CNTN4: variants seen among roughly 807,000 people sequenced by gnomAD.
The protein encoded by CNTN4 is contactin-4.
CNTN4 carries 77 observed loss-of-function variants against 122.5 expected under a neutral mutation model. The observed-to-expected ratio is 0.63, with a 90% CI of 0.52 to 0.76. The LOEUF (loss-of-function observed/expected upper bound fraction) is 0.76, where lower values mean the gene tolerates loss of function less well. Among genes scored for constraint, CNTN4 ranks in the 30% least tolerant of loss-of-function variants. The pLI is 0.00. For synonymous variants in CNTN4, 512 were observed against 447.0 expected (o/e 1.15, Z -1.83); for missense variants, 1,256 against 1,259.1 (o/e 1.00, Z 0.04).
At chr3:2,389,201 C>A (rs2046356253) in intron 3 of CNTN4, among the ~76,000 whole-genome samples, 1 of 151,988 alleles carries the variant, frequency 6.6e-6, no homozygotes, top group Non-Finnish European at 1.5e-5. Context: ...TTAACTCTTG[C>A]CACTCATTCC....
intron 2 of CNTN4, among the ~76,000 whole-genome samples, chr3:2,296,228 G>A (rs1286599348): frequency 6.6e-6 from 1 of 152,154 alleles, no homozygotes; most frequent in Non-Finnish European, 1.5e-5. Flanking sequence ...GTCATTGGTA[G>A]CTTGATGGGG....
At chr3:2,919,071 TG>T (rs543392214) in intron 12 of CNTN4, among the ~76,000 whole-genome samples, 120 of 152,184 alleles carry the variant, frequency 7.9e-4, no homozygotes, top group African/African-American at 2.3e-3. Context: ...TGGCTGGTCA[TG>T]GTGGCTTACG....
chr3:2,719,983 T>G (rs13077493), intron 4 of CNTN4, among the ~76,000 whole-genome samples: 100,500 of 151,930 alleles, frequency 0.66, 34,874 homozygotes, highest in Non-Finnish European at 0.76. Context: ...ATATCCACAG[T>G]GTGGCAGAAA....
chr3:2,390,343 T>C (rs529473936), intron 3 of CNTN4, among the ~76,000 whole-genome samples: 1 of 152,110 alleles, frequency 6.6e-6, no homozygotes, highest in South Asian at 2.1e-4. Flanking sequence ...TATACTATTA[T>C]TGCAACTTTC....
At chr3:2,751,073 G>A (rs904107968) in intron 6 of CNTN4, among the ~76,000 whole-genome samples, 3 of 152,044 alleles carry the variant, frequency 2.0e-5, no homozygotes, top group East Asian at 3.9e-4. Flanking sequence ...AGGCCGAGGC[G>A]AGTGGATCAC....
At chr3:2,785,138 C>CACACACACAT (rs140652217) in intron 6 of CNTN4, among the ~76,000 whole-genome samples, 4 of 136,182 alleles carry the variant, frequency 2.9e-5, no homozygotes, top group African/African-American at 1.1e-4. Flanking sequence ...CACACACACA[C>CACACACACAT]ATATATATAG....
At chr3:2,337,289 A>G (rs1043547140) in intron 2 of CNTN4, among the ~76,000 whole-genome samples, 14 of 152,148 alleles carry the variant, frequency 9.2e-5, no homozygotes, top group Admixed American at 7.2e-4. Flanking sequence ...AGTGAATTTA[A>G]TAATGTTTTC....
chr3:2,642,201 T>C (rs1203192286), intron 4 of CNTN4, among the ~76,000 whole-genome samples: 1 of 152,142 alleles, frequency 6.6e-6, no homozygotes, highest in Non-Finnish European at 1.5e-5. Context: ...GAGTAGAACT[T>C]GCAGTACAAT....
chr3:2,627,744 C>G (rs559065264), intron 4 of CNTN4, among the ~76,000 whole-genome samples: 7 of 152,072 alleles, frequency 4.6e-5, no homozygotes, highest in Non-Finnish European at 7.4e-5. Flanking sequence ...CTGCCCGCCT[C>G]GGCCTCCCAA....
At chr3:2,190,614 G>T (rs58570909) in intron 2 of CNTN4, among the ~76,000 whole-genome samples, 4,050 of 151,862 alleles carry the variant, frequency 0.027, 184 homozygotes, top group African/African-American at 0.093. Flanking sequence ...GGGACAGTCT[G>T]CATGGGTGGT....
intron 3 of CNTN4, among the ~76,000 whole-genome samples, chr3:2,400,424 T>TATAC (rs753062224): frequency 0.078 from 5,262 of 67,832 alleles, 247 homozygotes; most frequent in Non-Finnish European, 0.12. Flanking sequence ...TATATATATA[T>TATAC]ATACATATAT....
intron 3 of CNTN4, among the ~76,000 whole-genome samples, chr3:2,378,335 G>A (rs2045897766): frequency 6.6e-6 from 1 of 152,228 alleles, no homozygotes; most frequent in African/African-American, 2.4e-5. Context: ...TCAGGATGGG[G>A]GAAAGAACCC....
chr3:2,682,839 C>G (rs554902648), intron 4 of CNTN4, among the ~76,000 whole-genome samples: 1 of 152,220 alleles, frequency 6.6e-6, no homozygotes, highest in South Asian at 2.1e-4. Context: ...CAAAAGTGCC[C>G]AATCTTCCCA....
At chr3:2,505,038 A>G (rs1217635003) in intron 3 of CNTN4, among the ~76,000 whole-genome samples, 1 of 152,178 alleles carries the variant, frequency 6.6e-6, no homozygotes, top group Non-Finnish European at 1.5e-5. Context: ...GGAAAATTTG[A>G]GTATAGACCA....
At chr3:2,803,204 A>G (rs1180445849) in intron 6 of CNTN4, among the ~76,000 whole-genome samples, 1 of 152,230 alleles carries the variant, frequency 6.6e-6, no homozygotes, top group Non-Finnish European at 1.5e-5. Flanking sequence ...TTTATTAATC[A>G]TCAAAGAGAT....
chr3:2,766,189 C>G (rs972953601), intron 6 of CNTN4, among the ~76,000 whole-genome samples: 5 of 152,210 alleles, frequency 3.3e-5, no homozygotes, highest in Admixed American at 1.3e-4. Flanking sequence ...GTGACTGCCT[C>G]TCTCAATGCC....
intron 3 of CNTN4, among the ~76,000 whole-genome samples, chr3:2,551,374 G>A (rs1034856080): frequency 7.9e-5 from 12 of 152,066 alleles, no homozygotes; most frequent in Admixed American, 2.0e-4. Context: ...TATCATGTGT[G>A]TACTTGAGTG....
intron 2 of CNTN4, among the ~76,000 whole-genome samples, chr3:2,186,873 G>A (rs1234474124): frequency 6.6e-6 from 1 of 152,124 alleles, no homozygotes; most frequent in Non-Finnish European, 1.5e-5. Context: ...CCATTCTGTA[G>A]GTTGCCTGTT....
At chr3:2,625,923 G>A (rs543037285) in intron 4 of CNTN4, among the ~76,000 whole-genome samples, 5 of 152,086 alleles carry the variant, frequency 3.3e-5, no homozygotes, top group South Asian at 4.2e-4. Context: ...TACCAGTATC[G>A]AATTGTTCCT....
Sources: allele counts gnomAD v4.1 joint callset (sites outside exome capture counted in the v4.1 genomes callset), GRCh38; gene constraint gnomAD v4.1.1; transcripts MANE v1.5; gene names NCBI Gene and HGNC (gene_info 2026-07-23, HGNC 2026-07-21).